Variants in WEE1 observed in about 807,000 individuals in gnomAD.
WEE1 encodes wee1-like protein kinase.
A neutral mutation model predicts 68.8 loss-of-function variants in WEE1; 16 were observed. That is an observed-to-expected ratio of 0.23 (90% CI 0.16 to 0.35). WEE1 has a LOEUF of 0.35. Among genes scored for constraint, WEE1 ranks in the 10% least tolerant of loss-of-function variants. The pLI, the probability that WEE1 is intolerant of heterozygous loss-of-function variation, is 1.00. For synonymous variants in WEE1, 349 were observed against 318.7 expected, an observed-to-expected ratio of 1.09 and a Z score of -1.01; for missense variants, 651 against 824.1, an observed-to-expected ratio of 0.79 and a Z score of 2.57.
Position 9,589,854 on chromosome 11 carries a change from G to C in WEE1, c.*1252G>C. 1 of 403,562 alleles carries C rather than the reference G, an allele frequency of 2.5e-6. No homozygotes were observed. The highest frequency in any genetic ancestry group is 3.4e-6 in the Non-Finnish European group (1 of 297,948). 25.0% of individuals were successfully genotyped at this position (403,562 alleles called of 1,614,324 possible). On this transcript the variant is annotated 3_prime_UTR_variant, in exon 11 of 11. Coordinates refer to ENST00000450114, the MANE Select transcript of WEE1 (RefSeq NM_003390.4). ...GTGTGTATAATGTACTATTATAAAA[G>C]CAGAGGGCACATTTTGATTGAATAT...
Position 9,586,584 on chromosome 11 carries a change from C to G in WEE1, c.1606C>G (p.Gln536Glu). 2 of 1,614,126 alleles carry G rather than the reference C, an allele frequency of 1.2e-6. No homozygotes were observed. Among genetic ancestry groups the G allele is most frequent in the Non-Finnish European group, 1.7e-6 (2 of 1,180,024 alleles). ...ACAGGGTAGATTACCTCGGATACCA[C>G]AAGTGCTTTCCCAAGAATTTACAGA... ...IRQGRLPRIP[Q>E]VLSQEFTELL... The change falls in exon 9 of 11, where the codon CAA becomes GAA. Residue 536 changes from glutamine (Q) to glutamate (E), a missense_variant. Gln to Glu is a conservative substitution (Grantham distance 29, BLOSUM62 2). Around this residue, in one of 5 missense-constraint regions of WEE1, gnomAD observed 115 missense variants for 142.7 expected, o/e 0.81. Coordinates refer to ENST00000450114, the MANE Select transcript of WEE1 (RefSeq NM_003390.4).
chr11:9,575,357 G>C, intron 1 of WEE1: 1 of 990,766 alleles, frequency 1.0e-6, no homozygotes, highest in Non-Finnish European at 1.2e-6. Context: ...AGGTTAACAG[G>C]GAAGATGCAC....
Position 9,576,308 on chromosome 11 carries a change from A to T in WEE1, c.846+15A>T, listed in dbSNP as rs1204923020. The T allele has an allele frequency of 6.6e-7, 1 of 1,524,890 alleles. No homozygotes were observed. The highest frequency in any genetic ancestry group is 2.1e-5 in the Admixed American group (1 of 48,282). 94.5% of individuals were successfully genotyped at this position (1,524,890 alleles called of 1,614,324 possible). ...GACCTGCTAAGGTAAATAGCTTTTT[A>T]TTTTTATTTTTTTGAAATTTACTTT... On this transcript the variant is annotated intron_variant, in intron 3 of 10. Coordinates refer to ENST00000450114, the MANE Select transcript of WEE1 (RefSeq NM_003390.4). This position sits in a 1 kb window ranked among gnomAD's most constrained non-coding sequence, Gnocchi z 4.3.
At chr11:9,577,466 C>T (rs1251912274) in intron 5 of WEE1, 3 of 551,932 alleles carry the variant, frequency 5.4e-6, no homozygotes, top group Admixed American at 3.4e-5. Flanking sequence ...AGTAGAACTT[C>T]GCATACTATT....
Position 9,574,856 on chromosome 11 carries a change from C to A in WEE1, c.576+347C>A, listed in dbSNP as rs1437289420. 18 of 989,786 alleles carry A rather than the reference C, an allele frequency of 1.8e-5. No homozygotes were observed. In the Admixed American group the frequency reaches 1.1e-3, roughly 60 times the overall value. 61.3% of individuals were successfully genotyped at this position (989,786 alleles called of 1,614,324 possible). A position where few individuals can be genotyped will look rare whatever the true frequency, so the allele number is the denominator to read the frequency against. On this transcript the variant is annotated intron_variant, in intron 1 of 10. Transcript: ENST00000450114. The surrounding 1 kb of genome is among the most constrained non-coding windows in gnomAD (Gnocchi z 4.9). ...CGCGAGGATGCTGGAGGGTGCCGGC[C>A]CGGCCACCTGACACTCCCGAGCCAT...
chr11:9,583,796 CACACACATAT>C (rs1208779803), intron 6 of WEE1, among the ~76,000 whole-genome samples: 56 of 25,996 alleles, frequency 2.2e-3, no homozygotes, highest in African/African-American at 3.0e-3. Flanking sequence ...CACACACACA[CACACACATAT>C]ATATATATAT....
At position 9,574,427 on chromosome 11, in the gene WEE1, C is replaced by T. The variant is rs953161766; in HGVS notation, c.494C>T (p.Ser165Leu). ...GARRAGEGRR[S>L]PRPDHPGTPP... The stretch of plus-strand genomic sequence containing the variant: ...CGCCGGGCGGGCGAAGGCCGCCGCT[C>T]GCCGCGGCCGGACCACCCGGGCACC... Residue 165 changes from serine to leucine, a missense_variant, in exon 1 of 11, where the codon TCG becomes TTG. Coordinates refer to ENST00000450114, the MANE Select transcript of WEE1 (RefSeq NM_003390.4). The surrounding 1 kb of genome is among the most constrained non-coding windows in gnomAD (Gnocchi z 4.9). 9 of 1,218,820 alleles carry T rather than the reference C, an allele frequency of 7.4e-6. No homozygotes were observed. The highest frequency in any genetic ancestry group is 1.6e-5 in the African/African-American group (1 of 62,856). 75.5% of individuals were successfully genotyped at this position (1,218,820 alleles called of 1,614,324 possible).
At position 9,575,872 on chromosome 11, in the gene WEE1, A is replaced by G. The variant is rs1849559806; in HGVS notation, c.577-16A>G. The stretch of plus-strand genomic sequence containing the variant: ...CTTGGATCCTAAAAATTGTATTTGT[A>G]TTTTTCTTTCCCTAGAGTTTGCTCT... On this transcript the variant is annotated splice_polypyrimidine_tract_variant and intron_variant, in intron 1 of 10. Transcript: ENST00000450114. The G allele has an allele frequency of 1.2e-6, 2 of 1,612,180 alleles. No homozygotes were observed. The highest frequency in any genetic ancestry group is 3.3e-4 in the Middle Eastern group (2 of 6,060).
In WEE1 at chr11:9,573,841, A is replaced by T; in HGVS notation, c.-93A>T. The T allele has an allele frequency of 9.2e-7, 1 of 1,090,204 alleles. No individual in the cohort carries two copies. Among genetic ancestry groups the T allele is most frequent in the Non-Finnish European group, 1.1e-6 (1 of 873,722 alleles). The allele number at this position is 1,090,204 out of a possible 1,614,324, so 67.5% of individuals were successfully genotyped here. On this transcript the variant is annotated 5_prime_UTR_variant, in exon 1 of 11. Transcript: ENST00000450114. ...GCCGCGGCTGCGACTAGGCGCGCCC[A>T]GCCGCACGTGGCGGACCCGCCCCCA...
At chr11:9,583,802 C>CATATAT (rs371859938) in intron 6 of WEE1, among the ~76,000 whole-genome samples, 60 of 17,724 alleles carry the variant, frequency 3.4e-3, no homozygotes, top group South Asian at 4.6e-3. Context: ...CACACACACA[C>CATATAT]ATATATATAT....
chr11:9,582,568 T>C (rs372385850), intron 6 of WEE1, among the ~76,000 whole-genome samples: 17 of 151,626 alleles, frequency 1.1e-4, no homozygotes, highest in East Asian at 7.7e-4. Flanking sequence ...GTTTCTTCTT[T>C]CTTTTTTTCT....
Position 9,583,780 on chromosome 11 carries a change from C to T in WEE1, c.1289-1478C>T, listed in dbSNP as rs547473786. Among the ~76,000 whole-genome samples the T allele has an allele frequency of 9.8e-5, 3 of 30,614 alleles. No homozygotes were observed. In the East Asian group the frequency reaches 1.8e-3, roughly 18 times the overall value. The allele number at this position is 30,614 out of a possible 152,430, so 20.1% of individuals were successfully genotyped here. A position where few individuals can be genotyped will look rare whatever the true frequency, so the allele number is the denominator to read the frequency against. On this transcript the variant is annotated intron_variant, in intron 6 of 10. Transcript: ENST00000450114. Reference sequence around the variant, plus strand: ...GCGCGCGCACACACACACACACACACACACACACACACACACACACACATA... The same window carrying T: ...GCGCGCGCACACACACACACACACATACACACACACACACACACACACATA...
At chr11:9,581,183 G>T in intron 5 of WEE1, 1 of 190,478 alleles carries the variant, frequency 5.2e-6, no homozygotes, top group South Asian at 1.1e-4. Context: ...ATAGCCACTG[G>T]ATTCCAGCTG....
chr11:9,586,326 C>CT, intron 8 of WEE1, 123 bp from the exon 9 acceptor site: 5 of 833,740 alleles, frequency 6.0e-6, no homozygotes, highest in Non-Finnish European at 7.2e-6. Flanking sequence ...AGGTCCCAAA[C>CT]TTAAATGTGG....
In WEE1 at chr11:9,575,000, A is replaced by G; in HGVS notation, c.576+491A>G. On this transcript the variant is annotated intron_variant, in intron 1 of 10. Coordinates refer to ENST00000450114, the MANE Select transcript of WEE1 (RefSeq NM_003390.4). This position sits in a 1 kb window ranked among gnomAD's most constrained non-coding sequence, Gnocchi z 4.9. ...TCGTGTCGTGTGGCGTGGATGGGGGAAAGGTCTGGGGCATGCAGGGAGACT... is the reference window on the plus strand; with the variant it reads ...TCGTGTCGTGTGGCGTGGATGGGGGGAAGGTCTGGGGCATGCAGGGAGACT... The G allele has an allele frequency of 5.1e-6, 5 of 985,630 alleles. No individual in the cohort carries two copies. The highest frequency in any genetic ancestry group is 6.0e-6 in the Non-Finnish European group (5 of 830,236). 61.1% of individuals were successfully genotyped at this position (985,630 alleles called of 1,614,324 possible).
intron 6 of WEE1, 165 bp from the exon 7 acceptor site, chr11:9,585,093 A>C: frequency 1.6e-6 from 1 of 614,298 alleles, no homozygotes; most frequent in Non-Finnish European, 2.8e-6. Flanking sequence ...CCCAGCAACT[A>C]TAACCCTGGT....
intron 1 of WEE1, chr11:9,575,150 G>A (rs1229935730): frequency 3.0e-6 from 3 of 985,426 alleles, no homozygotes; most frequent in Admixed American, 6.2e-5. Context: ...TGTTTTTATC[G>A]TGGGTTTGCG....
intron 1 of WEE1, chr11:9,575,444 A>C (rs764897327): frequency 1.4e-5 from 14 of 1,015,646 alleles, no homozygotes; most frequent in Non-Finnish European, 1.7e-5. Context: ...TTCGAGCTGT[A>C]CTGTTTATTG....
rs151258039 is a variant in WEE1 at position 9,587,080 on chromosome 11, C to T, written c.1787+224C>T. ...GGCTCAAGCTATCCTCCCGTGTCAGCCTCCTGAGTAGCTGAGCCACAGATG... is the reference window on the plus strand; with the variant it reads ...GGCTCAAGCTATCCTCCCGTGTCAGTCTCCTGAGTAGCTGAGCCACAGATG... On this transcript the variant is annotated intron_variant, in intron 10 of 10. Transcript: ENST00000450114. Among the ~76,000 whole-genome samples the T allele has an allele frequency of 7.3e-3, 1,106 of 152,294 alleles. 17 individuals carry two copies. Among genetic ancestry groups the T allele is most frequent in the African/African-American group, 0.026 (1,063 of 41,550 alleles).
Sources: gnomAD v4.1 joint callset for allele counts (sites outside exome capture counted in the v4.1 genomes callset) on GRCh38, gnomAD v4.1.1 for gene constraint, gnomAD v4.1.1 regional missense constraint, Gnocchi (gnomAD v3.1) non-coding constraint, MANE v1.5 for transcripts, NCBI Gene and HGNC (gene_info 2026-07-23, HGNC 2026-07-21) for gene names.